Variants in CYB5A observed in about 807,000 individuals in gnomAD.
CYB5A encodes cytochrome b5.
In CYB5A, 10 loss-of-function variants were observed where a neutral mutation model predicts 16.2. The observed-to-expected ratio is 0.62, with a 90% confidence interval of 0.38 to 1.04. The LOEUF (loss-of-function observed/expected upper bound fraction) is 1.04, where lower values mean the gene tolerates loss of function less well. Ranked by LOEUF, CYB5A falls within the 50% of genes least tolerant of loss-of-function variation. CYB5A has a pLI of 0.01. For synonymous variants in CYB5A, 62 were observed against 57.0 expected, an observed-to-expected ratio of 1.09 and a Z score of -0.40; for missense variants, 161 against 165.9, an observed-to-expected ratio of 0.97 and a Z score of 0.16.
chr18:74,271,430 CCT>C (rs1261651556), intron 1 of CYB5A, among the ~76,000 whole-genome samples: 1 of 152,146 alleles, frequency 6.6e-6, no homozygotes, highest in Non-Finnish European at 1.5e-5. Context: ...ACCACGGGTA[CCT>C]CTCTGACTCT....
intron 1 of CYB5A, among the ~76,000 whole-genome samples, chr18:74,266,970 T>C (rs996913778): frequency 6.6e-6 from 1 of 152,160 alleles, no homozygotes; most frequent in African/African-American, 2.4e-5. Flanking sequence ...AAATAACTCA[T>C]CTTGATAAGA....
At chr18:74,261,938 TG>T (rs1982217858) in intron 2 of CYB5A, among the ~76,000 whole-genome samples, 1 of 152,102 alleles carries the variant, frequency 6.6e-6, no homozygotes, top group Non-Finnish European at 1.5e-5. Flanking sequence ...GCACCACAAG[TG>T]GGAAGGCAGG....
chr18:74,251,698 C>A lies in CYB5A; in HGVS notation c.*1886G>T, dbSNP rs564813286. Reference sequence around the variant, plus strand: ...GAGAAAAAAGTGTCAAATATCTTTCCTTGAGAGTCTGGCTGCACAAACTGT... The same window carrying A: ...GAGAAAAAAGTGTCAAATATCTTTCATTGAGAGTCTGGCTGCACAAACTGT... On this transcript the variant is annotated 3_prime_UTR_variant, in exon 5 of 5. Coordinates refer to ENST00000340533, the MANE Select transcript of CYB5A (RefSeq NM_148923.4). 1 of 152,160 alleles carries A rather than the reference C, an allele frequency of 6.6e-6. No homozygotes were observed. Among genetic ancestry groups the A allele is most frequent in the Non-Finnish European group, 1.5e-5 (1 of 68,014 alleles). The allele number at this position is 152,160 out of a possible 1,614,324, so 9.4% of individuals were successfully genotyped here.
At chr18:74,255,666 G>A (rs1003558940) in intron 4 of CYB5A, 75 bp downstream of exon 4, 27 of 1,236,734 alleles carry the variant, frequency 2.2e-5, no homozygotes, top group Non-Finnish European at 3.1e-5. Flanking sequence ...CCAGAAGGTG[G>A]GGGACGCACC....
chr18:74,282,409 A>G (rs1304106533), intron 1 of CYB5A, among the ~76,000 whole-genome samples: 2 of 152,142 alleles, frequency 1.3e-5, no homozygotes, highest in Non-Finnish European at 2.9e-5. Flanking sequence ...GTATGGAAAA[A>G]GGGGGAAAAA....
intron 1 of CYB5A, among the ~76,000 whole-genome samples, chr18:74,271,183 T>C (rs1599257190): frequency 6.6e-6 from 1 of 152,222 alleles, no homozygotes; most frequent in East Asian, 1.9e-4. Context: ...AGGCATTGTG[T>C]GGGACAGAAA....
Position 74,252,217 on chromosome 18 carries a change from TG to T in CYB5A, c.*1366del, listed in dbSNP as rs1463080889. 1 of 152,244 alleles carries T rather than the reference TG, an allele frequency of 6.6e-6. No individual in the cohort carries two copies. Among genetic ancestry groups the T allele is most frequent in the Non-Finnish European group, 1.5e-5 (1 of 68,040 alleles). 9.4% of individuals were successfully genotyped at this position (152,244 alleles called of 1,614,324 possible). Reference sequence around the variant, plus strand: ...ACGCGGTCACTTCTGAAGAACCTCGTGGTTTGTCAGCTCATGCCAGTGCAAA... The same window carrying T: ...ACGCGGTCACTTCTGAAGAACCTCGTGTTTGTCAGCTCATGCCAGTGCAAA... On this transcript the variant is annotated 3_prime_UTR_variant, in exon 5 of 5. Coordinates refer to ENST00000340533, the MANE Select transcript of CYB5A (RefSeq NM_148923.4).
In CYB5A at chr18:74,291,731, C is replaced by G; in HGVS notation, c.129+16G>C. 1 of 1,613,728 alleles carries G rather than the reference C, an allele frequency of 6.2e-7. No homozygotes were observed. The highest frequency in any genetic ancestry group is 8.5e-7 in the Non-Finnish European group (1 of 1,179,764). ...CCCACGCTCCCTGCGCCCCAAGCCG[C>G]TCATCCCCAACTCACCTCTTCCAGA... On this transcript the variant is annotated intron_variant, in intron 1 of 4. Transcript: ENST00000340533.
rs553630555 is a variant in CYB5A, at chr18:74,264,013, C to T, written c.130-536G>A. Among the ~76,000 whole-genome samples, 15 of 152,260 alleles carry T rather than the reference C, an allele frequency of 9.9e-5. No individual in the cohort carries two copies. The East Asian group carries it at 2.3e-3, about 23-fold the overall frequency. ...ATCACTTGAGTTCAGGAGTTCGAGA[C>T]CAACCTGGCCTACATGGCGAAACCC... On this transcript the variant is annotated intron_variant, in intron 1 of 4. Transcript: ENST00000340533.
At chr18:74,266,946 T>C (rs544683593) in intron 1 of CYB5A, among the ~76,000 whole-genome samples, 14 of 152,208 alleles carry the variant, frequency 9.2e-5, no homozygotes, top group African/African-American at 3.4e-4. Flanking sequence ...TCCTAAAAAT[T>C]GATATTTTGG....
intron 1 of CYB5A, among the ~76,000 whole-genome samples, chr18:74,280,737 C>G (rs560159068): frequency 1.5e-3 from 232 of 152,248 alleles, no homozygotes; most frequent in Middle Eastern, 3.4e-3. Context: ...CTTCCTCTAT[C>G]GACTTGCTTT....
chr18:74,266,974 G>C (rs1051195968), intron 1 of CYB5A, among the ~76,000 whole-genome samples: 9 of 152,040 alleles, frequency 5.9e-5, no homozygotes, highest in Non-Finnish European at 7.4e-5. Context: ...AACTCATCTT[G>C]ATAAGACAGT....
intron 1 of CYB5A, among the ~76,000 whole-genome samples, chr18:74,275,784 A>T (rs1261142599): frequency 6.6e-6 from 1 of 152,220 alleles, no homozygotes; most frequent in African/African-American, 2.4e-5. Context: ...ATTAAAAAAT[A>T]ACCTCAGCCC....
intron 2 of CYB5A, 41 bp downstream of exon 2, chr18:74,263,308 C>A: frequency 6.2e-7 from 1 of 1,613,508 alleles, no homozygotes; most frequent in Non-Finnish European, 8.5e-7. Context: ...CATCTGATAG[C>A]CTTAAATACA....
chr18:74,260,992 A>G, intron 2 of CYB5A, 48 bp from the exon 3 acceptor site: 2 of 1,433,864 alleles, frequency 1.4e-6, no homozygotes, highest in Middle Eastern at 1.7e-4. Flanking sequence ...AATCTATGAA[A>G]GTACCACTTC....
At chr18:74,281,282 T>C (rs541142931) in intron 1 of CYB5A, among the ~76,000 whole-genome samples, 15 of 152,316 alleles carry the variant, frequency 9.8e-5, no homozygotes, top group Admixed American at 3.3e-4. Flanking sequence ...AACTGTGATG[T>C]AGCCTCAGGG....
At chr18:74,287,094 G>A (rs1983350013) in intron 1 of CYB5A, among the ~76,000 whole-genome samples, 1 of 152,074 alleles carries the variant, frequency 6.6e-6, no homozygotes, top group Non-Finnish European at 1.5e-5. Flanking sequence ...TACCCAAGAT[G>A]CCTAAGCCAC....
At chr18:74,264,271 TCCCC>T (rs1379942946) in intron 1 of CYB5A, among the ~76,000 whole-genome samples, 1 of 151,902 alleles carries the variant, frequency 6.6e-6, no homozygotes, top group East Asian at 1.9e-4. Context: ...ATAAGTTGCT[TCCCC>T]ATGTCACTCA....
chr18:74,274,052 G>A (rs1242866338), intron 1 of CYB5A, among the ~76,000 whole-genome samples: 1 of 152,228 alleles, frequency 6.6e-6, no homozygotes, highest in Admixed American at 6.5e-5. Context: ...AAGTAACAGC[G>A]AGAGAGTGCA....
Sources: allele counts gnomAD v4.1 joint callset (sites outside exome capture counted in the v4.1 genomes callset), GRCh38; gene constraint gnomAD v4.1.1; transcripts MANE v1.5; gene names NCBI Gene and HGNC (gene_info 2026-07-23, HGNC 2026-07-21).